Variants in CCDC57 observed in about 807,000 individuals in gnomAD.
CCDC57 encodes the protein coiled-coil domain containing 57, also known as coiled-coil domain-containing protein 57.
Under a neutral mutation model 118.9 loss-of-function variants are expected in CCDC57, and 118 were observed. The observed-to-expected ratio is 0.99, with a 90% CI of 0.86 to 1.16. The LOEUF (loss-of-function observed/expected upper bound fraction) is 1.16, where lower values mean the gene tolerates loss of function less well. CCDC57 is among the 50% of genes most tolerant of loss of function. The pLI is 0.00. For missense variants in CCDC57, 1,300 were observed against 1,320.7 expected (o/e 0.98, Z 0.24); for synonymous variants, 527 against 532.9 (o/e 0.99, Z 0.15).
intron 19 of CCDC57, among the ~76,000 whole-genome samples, chr17:82,121,966 C>A (rs1392441366): frequency 6.6e-6 from 1 of 152,216 alleles, no homozygotes; most frequent in African/African-American, 2.4e-5. Flanking sequence ...ACACTCTCAG[C>A]CTCGGTGGAC....
chr17:82,205,159 T>C (rs2049469554), intron 2 of CCDC57, among the ~76,000 whole-genome samples: 1 of 152,200 alleles, frequency 6.6e-6, no homozygotes, highest in Admixed American at 6.5e-5. Context: ...AAATACACAT[T>C]AAATGATGGA....
At chr17:82,133,456 T>C (rs191169585) in intron 17 of CCDC57, among the ~76,000 whole-genome samples, 3,172 of 74,712 alleles carry the variant, frequency 0.042, 88 homozygotes, top group Non-Finnish European at 0.066. Context: ...AAAAAAAAAA[T>C]AGAAGTTTTT....
In CCDC57 at chr17:82,118,428, T is replaced by C. The variant is rs1442439625; in HGVS notation, c.2899+9264A>G. Among the ~76,000 whole-genome samples, 4 of 152,264 alleles carry C rather than the reference T, an allele frequency of 2.6e-5. 1 individual carries two copies. Among genetic ancestry groups the C allele is most frequent in the Admixed American group, 2.6e-4 (4 of 15,294 alleles). On this transcript the variant is annotated intron_variant, in intron 19 of 19. Coordinates refer to ENST00000665763, the Ensembl canonical transcript of CCDC57. The surrounding 1 kb of genome is among the most constrained non-coding windows in gnomAD (Gnocchi z 4.7). Reference sequence around the variant, plus strand: ...GCAGGATGCCCCACGCATCCGGAGATGGGGTTTGGAACATCCTTTGCCCCA... The same window carrying C: ...GCAGGATGCCCCACGCATCCGGAGACGGGGTTTGGAACATCCTTTGCCCCA...
intron 19 of CCDC57, among the ~76,000 whole-genome samples, chr17:82,103,823 CGGGGCAGGGAGGGGCAGGGA>C (rs59005363): frequency 3.4e-4 from 50 of 148,680 alleles, no homozygotes; most frequent in African/African-American, 7.9e-4. Flanking sequence ...TCACAGTCCC[CGGGGCAGGGAGGGGCAGGGA>C]GGGGCAGGGA....
intron 16 of CCDC57, among the ~76,000 whole-genome samples, chr17:82,137,515 T>C (rs538432630): frequency 3.0e-4 from 45 of 152,348 alleles, no homozygotes; most frequent in African/African-American, 9.6e-4. Flanking sequence ...TCTCTATAAC[T>C]GTTCTCTCCT....
At chr17:82,201,289 G>C (rs1450016848) in intron 3 of CCDC57, among the ~76,000 whole-genome samples, 1 of 152,188 alleles carries the variant, frequency 6.6e-6, no homozygotes, top group Non-Finnish European at 1.5e-5. Flanking sequence ...ATTAATTTCA[G>C]AGTTATATCA....
At chr17:82,152,092 C>T (rs2042133006) in intron 15 of CCDC57, 1 of 349,062 alleles carries the variant, frequency 2.9e-6, no homozygotes, top group Non-Finnish European at 5.3e-6. Context: ...TTGTGTCTTT[C>T]AAGTGAACAC....
chr17:82,117,637 G>C (rs1255849499), intron 19 of CCDC57, among the ~76,000 whole-genome samples: 7 of 152,002 alleles, frequency 4.6e-5, no homozygotes, highest in African/African-American at 1.7e-4. Flanking sequence ...CCTGGGCGAC[G>C]GAGTGAGACT....
chr17:82,185,675 A>C (rs1340495699), intron 8 of CCDC57, among the ~76,000 whole-genome samples: 5 of 151,882 alleles, frequency 3.3e-5, no homozygotes, highest in African/African-American at 9.7e-5. Context: ...TTTTCTCTGT[A>C]GTTCCAAACT....
chr17:82,208,841 C>T lies in CCDC57; in HGVS notation c.-210-793G>A, dbSNP rs2049966205. Among the ~76,000 whole-genome samples the T allele has an allele frequency of 2.0e-5, 3 of 152,248 alleles. No homozygotes were observed. In the South Asian group the frequency reaches 6.2e-4, roughly 32 times the overall value. ...CCCTCTTGGATTCCAGAGAGTGCTG[C>T]TAAGCCCTCTGGGAGGCCAAATTCA... On this transcript the variant is annotated intron_variant, in intron 1 of 19. Coordinates refer to ENST00000665763, the Ensembl canonical transcript of CCDC57.
intron 2 of CCDC57, among the ~76,000 whole-genome samples, chr17:82,204,438 G>C (rs2049362419): frequency 6.6e-6 from 1 of 152,122 alleles, no homozygotes; most frequent in African/African-American, 2.4e-5. Flanking sequence ...ACCTCAACTG[G>C]CCTCTGCTGT....
In CCDC57 at chr17:82,171,686, G is replaced by C. The variant is rs759899801; in HGVS notation, c.1882+15C>G. The C allele has an allele frequency of 6.2e-7, 1 of 1,604,282 alleles. No homozygotes were observed. Among genetic ancestry groups the C allele is most frequent in the African/African-American group, 1.3e-5 (1 of 74,858 alleles). The stretch of plus-strand genomic sequence containing the variant: ...ATAAGGGGACAGCAAGTACCCCACT[G>C]AGACGCGGACTTACCAGTCGTCTCT... On this transcript the variant is annotated intron_variant, in intron 13 of 19. Coordinates refer to ENST00000665763, the Ensembl canonical transcript of CCDC57.
At chr17:82,176,136 T>C (rs1440543091) in intron 11 of CCDC57, among the ~76,000 whole-genome samples, 1 of 152,108 alleles carries the variant, frequency 6.6e-6, no homozygotes, top group Non-Finnish European at 1.5e-5. Flanking sequence ...TCTGTGCCAA[T>C]GGGTGGAAGG....
intron 15 of CCDC57, chr17:82,154,262 G>A (rs2042409074): frequency 6.6e-6 from 1 of 152,348 alleles, no homozygotes; most frequent in Non-Finnish European, 1.5e-5. Context: ...CCTCTGCCAT[G>A]GGAGAAGTGG....
At chr17:82,144,032 C>CA (rs2040383761) in intron 16 of CCDC57, among the ~76,000 whole-genome samples, 2 of 150,194 alleles carry the variant, frequency 1.3e-5, no homozygotes, top group Non-Finnish European at 2.9e-5. Context: ...CCAGCCTGGG[C>CA]AACAGACAGC....
At chr17:82,179,050 C>A in exon 10 of CCDC57, 1 of 1,613,912 alleles carries the variant, frequency 6.2e-7, no homozygotes, top group East Asian at 2.2e-5. Flanking sequence ...ATGCTCAGAC[C>A]CTGAATCAGG....
At chr17:82,109,808 G>T (rs2035118700) in intron 19 of CCDC57, among the ~76,000 whole-genome samples, 1 of 151,840 alleles carries the variant, frequency 6.6e-6, no homozygotes. Flanking sequence ...AGTGAGCTGA[G>T]ATCGCGCCAC....
intron 14 of CCDC57, among the ~76,000 whole-genome samples, chr17:82,162,034 C>T (rs1245568134): frequency 6.6e-6 from 1 of 152,002 alleles, no homozygotes; most frequent in Non-Finnish European, 1.5e-5. Context: ...AGTTTCGCTC[C>T]TGTTGCCCAA....
Position 82,145,479 on chromosome 17 carries a change from G to T in CCDC57, c.2455+6081C>A, listed in dbSNP as rs147959565. On this transcript the variant is annotated intron_variant, in intron 16 of 19. Coordinates refer to ENST00000665763, the Ensembl canonical transcript of CCDC57. The stretch of plus-strand genomic sequence containing the variant: ...ATAGAATCGCTGGAACCCGGGAGGC[G>T]GAGGCTGCAGTGAGCCGAGATCGCA... Among the ~76,000 whole-genome samples the T allele has an allele frequency of 8.4e-3, 1,277 of 152,072 alleles. 12 individuals carry two copies. The highest frequency in any genetic ancestry group is 0.029 in the African/African-American group (1,224 of 41,510).
Sources: gnomAD v4.1 joint callset for allele counts (sites outside exome capture counted in the v4.1 genomes callset) on GRCh38, gnomAD v4.1.1 for gene constraint, Gnocchi (gnomAD v3.1) non-coding constraint, MANE v1.5 for transcripts, NCBI Gene and HGNC (gene_info 2026-07-23, HGNC 2026-07-21) for gene names.